FYN: variants seen among roughly 807,000 people sequenced by gnomAD.
FYN encodes the protein tyrosine-protein kinase Fyn.
FYN carries 10 observed loss-of-function variants against 70.2 expected under a neutral mutation model. The ratio of observed to expected loss-of-function variants is 0.14; its 90% CI spans 0.09 to 0.24. The LOEUF (loss-of-function observed/expected upper bound fraction) is 0.24, where lower values mean the gene tolerates loss of function less well. Among genes scored for constraint, FYN ranks in the 10% least tolerant of loss-of-function variants. The pLI is 1.00. For missense variants in FYN, 319 were observed against 673.1 expected (o/e 0.47, Z 5.82); for synonymous variants, 236 against 248.6 (o/e 0.95, Z 0.48).
At chr6:111,702,254 T>C (rs548131178) in intron 8 of FYN, among the ~76,000 whole-genome samples, 1 of 152,234 alleles carries the variant, frequency 6.6e-6, no homozygotes, top group East Asian at 1.9e-4. Flanking sequence ...AAACTGCATA[T>C]CTAATAATTA....
At chr6:111,836,001 A>G (rs1433204761) in intron 2 of FYN, among the ~76,000 whole-genome samples, 1 of 152,192 alleles carries the variant, frequency 6.6e-6, no homozygotes, top group Non-Finnish European at 1.5e-5. Flanking sequence ...GAGGAGCAAG[A>G]CACTGGTACA....
chr6:111,853,429 G>T (rs1182509483), intron 1 of FYN, among the ~76,000 whole-genome samples: 1 of 148,764 alleles, frequency 6.7e-6, no homozygotes, highest in African/African-American at 2.5e-5. Flanking sequence ...CAACTCTCAT[G>T]TCCCCTTCTG....
At chr6:111,750,184 TTA>T (rs1232834727) in intron 3 of FYN, among the ~76,000 whole-genome samples, 1 of 152,218 alleles carries the variant, frequency 6.6e-6, no homozygotes, top group African/African-American at 2.4e-5. Context: ...TCATGTCGAA[TTA>T]TAATCCCCAA....
chr6:111,791,806 T>C (rs1302810115), intron 2 of FYN, among the ~76,000 whole-genome samples: 2 of 152,210 alleles, frequency 1.3e-5, no homozygotes, highest in African/African-American at 2.4e-5. Flanking sequence ...ATTGTTATAA[T>C]AGCCTAGGAA....
chr6:111,771,932 G>C (rs764204072), intron 3 of FYN, among the ~76,000 whole-genome samples: 8 of 152,104 alleles, frequency 5.3e-5, no homozygotes, highest in African/African-American at 1.9e-4. Context: ...CTGTAGTAGT[G>C]GGGGCAGGGA....
chr6:111,764,724 G>C (rs184753640), intron 3 of FYN, among the ~76,000 whole-genome samples: 44 of 152,252 alleles, frequency 2.9e-4, no homozygotes, highest in Non-Finnish European at 5.1e-4. Flanking sequence ...TAGAGCTAAG[G>C]GGTTCCTTTA....
chr6:111,784,454 T>C (rs1256111439), intron 2 of FYN, among the ~76,000 whole-genome samples: 2 of 152,248 alleles, frequency 1.3e-5, no homozygotes, highest in African/African-American at 4.8e-5. Context: ...CTCAGGGAAC[T>C]GACCCCATAG....
intron 3 of FYN, among the ~76,000 whole-genome samples, chr6:111,728,620 G>C (rs1449404235): frequency 6.6e-6 from 1 of 152,118 alleles, no homozygotes; most frequent in Non-Finnish European, 1.5e-5. Context: ...TTTGTGATTG[G>C]CTTCCTTTGC....
At chr6:111,679,565 T>TGA (rs1331638390) in intron 12 of FYN, among the ~76,000 whole-genome samples, 1 of 152,090 alleles carries the variant, frequency 6.6e-6, no homozygotes, top group Non-Finnish European at 1.5e-5. Context: ...TCCCAGCCCT[T>TGA]CCCTTTTTGG....
At chr6:111,705,126 T>G (rs1800011310) in intron 6 of FYN, among the ~76,000 whole-genome samples, 1 of 152,118 alleles carries the variant, frequency 6.6e-6, no homozygotes, top group Non-Finnish European at 1.5e-5. Context: ...TTATTGTAAC[T>G]GCTGGGAAAT....
chr6:111,766,291 C>A (rs780292565), intron 3 of FYN, among the ~76,000 whole-genome samples: 1 of 152,120 alleles, frequency 6.6e-6, no homozygotes, highest in Non-Finnish European at 1.5e-5. Context: ...AAGTTAATGC[C>A]CTGCCCTTCC....
chr6:111,846,591 T>C lies in FYN; in HGVS notation c.-84A>G, dbSNP rs1326999048. ...CAGTGCAAAACTTGCCAACTTACTTTTTCCACGTTTAGATCAGCATCCTGC... is the reference window on the plus strand; with the variant it reads ...CAGTGCAAAACTTGCCAACTTACTTCTTCCACGTTTAGATCAGCATCCTGC... On this transcript the variant is annotated splice_region_variant and 5_prime_UTR_variant, in exon 2 of 14. Transcript: ENST00000354650. 7.5e-6 allele frequency: 3 copies of C among 398,892 alleles called. No individual in the cohort carries two copies. Among genetic ancestry groups the C allele is most frequent in the East Asian group, 3.6e-5 (1 of 28,076 alleles). The allele number at this position is 398,892 out of a possible 1,614,324, so 24.7% of individuals were successfully genotyped here.
At chr6:111,782,295 T>C (rs1771204667) in intron 2 of FYN, among the ~76,000 whole-genome samples, 1 of 152,200 alleles carries the variant, frequency 6.6e-6, no homozygotes, top group Non-Finnish European at 1.5e-5. Flanking sequence ...CTTCCACAGT[T>C]AATAATGCCT....
intron 13 of FYN, among the ~76,000 whole-genome samples, chr6:111,665,901 G>T (rs1797980076): frequency 6.6e-6 from 1 of 151,968 alleles, no homozygotes; most frequent in Non-Finnish European, 1.5e-5. Context: ...GGGATTACAG[G>T]TGTGAGCCAC....
At chr6:111,795,820 G>A (rs369471303) in intron 2 of FYN, among the ~76,000 whole-genome samples, 3 of 152,194 alleles carry the variant, frequency 2.0e-5, no homozygotes, top group Admixed American at 6.5e-5. Flanking sequence ...ACCTACTGAG[G>A]TGGCAGAGCC....
At chr6:111,751,787 A>C (rs578016425) in intron 3 of FYN, among the ~76,000 whole-genome samples, 89 of 152,034 alleles carry the variant, frequency 5.9e-4, no homozygotes, top group African/African-American at 2.1e-3. Flanking sequence ...CATGTAAATA[A>C]TCTTTTTTTT....
At chr6:111,840,656 A>C (rs1773330053) in intron 2 of FYN, among the ~76,000 whole-genome samples, 1 of 152,232 alleles carries the variant, frequency 6.6e-6, no homozygotes, top group South Asian at 2.1e-4. Context: ...AGTGGGCAGT[A>C]ATAACCTTTT....
At chr6:111,861,243 T>C (rs1773954204) in intron 1 of FYN, among the ~76,000 whole-genome samples, 1 of 152,210 alleles carries the variant, frequency 6.6e-6, no homozygotes, top group African/African-American at 2.4e-5. Flanking sequence ...TTAAACAAGG[T>C]TCACTCTCAG....
chr6:111,860,684 C>T (rs556996121), intron 1 of FYN, among the ~76,000 whole-genome samples: 48 of 152,278 alleles, frequency 3.2e-4, no homozygotes, highest in African/African-American at 1.1e-3. Context: ...CAGAACCTGT[C>T]CCTTTCCCAG....
Sources: allele counts gnomAD v4.1 joint callset (sites outside exome capture counted in the v4.1 genomes callset), GRCh38; gene constraint gnomAD v4.1.1; transcripts MANE v1.5; gene names NCBI Gene and HGNC (gene_info 2026-07-23, HGNC 2026-07-21).